SYT1: variants seen among roughly 807,000 people sequenced by gnomAD.
SYT1 encodes synaptotagmin-1.
SYT1 carries 8 observed loss-of-function variants against 44.8 expected under a neutral mutation model. The observed-to-expected ratio is 0.18, with a 90% confidence interval of 0.10 to 0.32. SYT1 has a LOEUF of 0.32. SYT1 is among the 10% of genes least tolerant of loss of function. SYT1 has a pLI of 1.00. For synonymous variants in SYT1, 154 were observed against 188.8 expected, an observed-to-expected ratio of 0.82 and a Z score of 1.51; for missense variants, 286 against 509.3, an observed-to-expected ratio of 0.56 and a Z score of 4.22.
At chr12:79,347,804 T>G (rs1022374512) in intron 8 of SYT1, among the ~76,000 whole-genome samples, 1 of 152,080 alleles carries the variant, frequency 6.6e-6, no homozygotes, top group Non-Finnish European at 1.5e-5. Flanking sequence ...TGTCAAGTAA[T>G]GACGGGTGCT....
At chr12:78,937,276 T>C (rs1239975880) in intron 1 of SYT1, among the ~76,000 whole-genome samples, 1 of 152,092 alleles carries the variant, frequency 6.6e-6, no homozygotes, top group African/African-American at 2.4e-5. Context: ...ATTTGGACTC[T>C]TGGAGATAGG....
intron 1 of SYT1, among the ~76,000 whole-genome samples, chr12:78,958,740 G>A (rs1243169888): frequency 6.6e-6 from 1 of 151,822 alleles, no homozygotes; most frequent in Admixed American, 6.6e-5. Context: ...TGGTGATTGA[G>A]TTTTATTACT....
intron 4 of SYT1, among the ~76,000 whole-genome samples, chr12:79,242,207 G>A (rs1876556894): frequency 6.6e-6 from 1 of 152,164 alleles, no homozygotes; most frequent in African/African-American, 2.4e-5. Context: ...GGATCACCTG[G>A]GTCCTTGTGA....
At chr12:79,004,588 G>C (rs1870957294) in intron 2 of SYT1, among the ~76,000 whole-genome samples, 1 of 151,904 alleles carries the variant, frequency 6.6e-6, no homozygotes, top group Non-Finnish European at 1.5e-5. Context: ...TGTTGCAATT[G>C]CTTTTGGATA....
chr12:79,349,058 G>GAAAGAAAGAA (rs1565920019), intron 8 of SYT1, among the ~76,000 whole-genome samples: 10 of 126,944 alleles, frequency 7.9e-5, no homozygotes, highest in African/African-American at 3.2e-4. Flanking sequence ...AGAAAGAAAG[G>GAAAGAAAGAA]AGGGAGGGAG....
In SYT1 at chr12:79,123,308, A is replaced by AGTGT. The variant is rs763524667; in HGVS notation, c.-18+75946_-18+75947insGTGT. 1.9e-3 allele frequency among the ~76,000 whole-genome samples: 183 copies of AGTGT among 96,530 alleles called. 2 individuals are homozygous for AGTGT. Among genetic ancestry groups the AGTGT allele is most frequent in the Non-Finnish European group, 3.0e-3 (141 of 46,984 alleles). The allele number at this position is 96,530 out of a possible 152,430, so 63.3% of individuals were successfully genotyped here. On this transcript the variant is annotated intron_variant, in intron 3 of 10. Coordinates refer to ENST00000261205, the MANE Select transcript of SYT1 (RefSeq NM_005639.3). Reference sequence around the variant, plus strand: ...CTGTTACATGTATCTCTAAAAATGCAATGTGTGTGTGTGTGTGTGTGTGTG... The same window carrying AGTGT: ...CTGTTACATGTATCTCTAAAAATGCAGTGTATGTGTGTGTGTGTGTGTGTGTGTG...
intron 3 of SYT1, among the ~76,000 whole-genome samples, chr12:79,199,059 T>C (rs1401706805): frequency 6.6e-6 from 1 of 152,214 alleles, no homozygotes; most frequent in African/African-American, 2.4e-5. Flanking sequence ...GAAGTAGTTA[T>C]AATCTTTAAC....
intron 3 of SYT1, among the ~76,000 whole-genome samples, chr12:79,101,602 T>A (rs1878448751): frequency 6.6e-6 from 1 of 152,314 alleles, no homozygotes; most frequent in South Asian, 2.1e-4. Flanking sequence ...GTTAAAATAG[T>A]CAAGTTTGTG....
chr12:79,395,496 G>A (rs1884832455), intron 9 of SYT1, among the ~76,000 whole-genome samples: 1 of 152,150 alleles, frequency 6.6e-6, no homozygotes, highest in Non-Finnish European at 1.5e-5. Context: ...TGGGATTACA[G>A]GTGTGAGCCA....
At chr12:79,362,242 T>C (rs1427594054) in intron 9 of SYT1, among the ~76,000 whole-genome samples, 1 of 152,170 alleles carries the variant, frequency 6.6e-6, no homozygotes, top group African/African-American at 2.4e-5. Context: ...AAAATCTAGC[T>C]AAGCTGAGTA....
intron 3 of SYT1, among the ~76,000 whole-genome samples, chr12:79,146,933 C>G (rs922040471): frequency 6.6e-6 from 1 of 152,096 alleles, no homozygotes; most frequent in Non-Finnish European, 1.5e-5. Context: ...CTCTGCTTCC[C>G]GGGTTCAGGC....
At chr12:79,231,871 A>G (rs1339491452) in intron 4 of SYT1, among the ~76,000 whole-genome samples, 1 of 152,218 alleles carries the variant, frequency 6.6e-6, no homozygotes, top group Non-Finnish European at 1.5e-5. Flanking sequence ...CAATTTATCC[A>G]TAATGCTGTC....
intron 9 of SYT1, among the ~76,000 whole-genome samples, chr12:79,443,146 G>C (rs572219989): frequency 2.6e-5 from 4 of 152,184 alleles, no homozygotes; most frequent in African/African-American, 9.6e-5. Flanking sequence ...CTGCTCAGGG[G>C]ATCTTTATGC....
At chr12:79,349,278 G>A (rs1233264541) in intron 8 of SYT1, among the ~76,000 whole-genome samples, 1 of 152,106 alleles carries the variant, frequency 6.6e-6, no homozygotes, top group African/African-American at 2.4e-5. Flanking sequence ...TGGGTTAAAT[G>A]AATAAAGGAA....
intron 3 of SYT1, among the ~76,000 whole-genome samples, chr12:79,139,574 G>A (rs2138209063): frequency 6.6e-6 from 1 of 152,194 alleles, no homozygotes; most frequent in Admixed American, 6.5e-5. Flanking sequence ...TCCTCATCAT[G>A]TGTAGGTGTA....
chr12:79,272,346 A>G (rs767811262), intron 4 of SYT1, among the ~76,000 whole-genome samples: 19 of 152,240 alleles, frequency 1.2e-4, no homozygotes, highest in Non-Finnish European at 2.5e-4. Flanking sequence ...ATGAACGGGT[A>G]AAATGGACAG....
intron 8 of SYT1, among the ~76,000 whole-genome samples, chr12:79,311,951 T>A (rs1387523726): frequency 6.6e-6 from 1 of 150,642 alleles, no homozygotes; most frequent in Non-Finnish European, 1.5e-5. Flanking sequence ...CACACCAGCA[T>A]GGCACATGGA....
chr12:79,317,273 T>C (rs1881135785), intron 8 of SYT1, among the ~76,000 whole-genome samples: 1 of 152,190 alleles, frequency 6.6e-6, no homozygotes, highest in South Asian at 2.1e-4. Context: ...ACCCCTAAGC[T>C]TTTTTCGAAA....
chr12:78,866,833 G>A (rs2137028035), intron 1 of SYT1, among the ~76,000 whole-genome samples: 1 of 152,140 alleles, frequency 6.6e-6, no homozygotes, highest in East Asian at 1.9e-4. Context: ...TCTTAACTGT[G>A]TCTGACCTTC....
Sources: allele counts gnomAD v4.1 joint callset (sites outside exome capture counted in the v4.1 genomes callset), GRCh38; gene constraint gnomAD v4.1.1; transcripts MANE v1.5; gene names NCBI Gene and HGNC (gene_info 2026-07-23, HGNC 2026-07-21).